TUBGCP3: variants seen among roughly 807,000 people sequenced by gnomAD.
The protein encoded by TUBGCP3 is tubulin gamma complex component 3, also known as gamma-tubulin complex component 3.
A neutral mutation model predicts 123.1 loss-of-function variants in TUBGCP3; 50 were observed. The observed-to-expected ratio is 0.41, with a 90% CI of 0.32 to 0.51. TUBGCP3 has a LOEUF of 0.51. Among genes scored for constraint, TUBGCP3 ranks in the 20% least tolerant of loss-of-function variants. The pLI, the probability that TUBGCP3 is intolerant of heterozygous loss-of-function variation, is 0.36. For missense variants in TUBGCP3, 882 were observed against 1,127.0 expected (o/e 0.78, Z 3.11); for synonymous variants, 405 against 413.9 (o/e 0.98, Z 0.26).
At chr13:112,492,461 T>A (rs557180713) in intron 20 of TUBGCP3, among the ~76,000 whole-genome samples, 41 of 152,360 alleles carry the variant, frequency 2.7e-4, no homozygotes, top group Admixed American at 8.5e-4. Flanking sequence ...TATGCGCATG[T>A]CACCCCCATG....
rs1881660343 is a variant in TUBGCP3, at chr13:112,511,297, G to A, written c.2086+5143C>T. On this transcript the variant is annotated intron_variant, in intron 17 of 21. Coordinates refer to ENST00000261965, the MANE Select transcript of TUBGCP3 (RefSeq NM_006322.6). The surrounding 1 kb of genome is among the most constrained non-coding windows in gnomAD (Gnocchi z 4.1). ...TGCCTTTCCTGGTAAGATAAAATCT[G>A]CGGTGCTGCTTTACATGGAAAAGTG... Among the ~76,000 whole-genome samples the A allele has an allele frequency of 6.6e-6, 1 of 152,204 alleles. No homozygotes were observed. The highest frequency in any genetic ancestry group is 6.5e-5 in the Admixed American group (1 of 15,288).
At chr13:112,497,422 G>T (rs1351291731) in intron 20 of TUBGCP3, among the ~76,000 whole-genome samples, 2 of 152,174 alleles carry the variant, frequency 1.3e-5, no homozygotes, top group Non-Finnish European at 2.9e-5. Flanking sequence ...AAATACCAAA[G>T]AAATAACTTG....
intron 17 of TUBGCP3, among the ~76,000 whole-genome samples, chr13:112,506,505 T>C (rs1026942783): frequency 6.6e-6 from 1 of 152,182 alleles, no homozygotes. Flanking sequence ...TCTAAGACCC[T>C]CAGAAGAGAC....
In TUBGCP3 at chr13:112,516,413, G is replaced by A. The variant is rs199782098; in HGVS notation, c.2086+27C>T. 347 of 1,567,290 alleles carry A rather than the reference G, an allele frequency of 2.2e-4. 2 individuals carry two copies. Among genetic ancestry groups the A allele is most frequent in the Non-Finnish European group, 1.4e-4 (163 of 1,154,336 alleles). Reference sequence around the variant, plus strand: ...GCTGGAGGCCGCTGGGAGTGTGTGCGGACCCGTGACCGTGCTGGGGGCTCA... The same window carrying A: ...GCTGGAGGCCGCTGGGAGTGTGTGCAGACCCGTGACCGTGCTGGGGGCTCA... On this transcript the variant is annotated intron_variant, in intron 17 of 21. Coordinates refer to ENST00000261965, the MANE Select transcript of TUBGCP3 (RefSeq NM_006322.6).
At chr13:112,565,061 A>C in intron 3 of TUBGCP3, 50 bp downstream of exon 3, 1 of 1,529,178 alleles carries the variant, frequency 6.5e-7, no homozygotes, top group Non-Finnish European at 9.0e-7. Context: ...TATACCACTC[A>C]TCATATCCTC....
At chr13:112,543,997 G>A (rs1878740044) in intron 11 of TUBGCP3, among the ~76,000 whole-genome samples, 1 of 152,230 alleles carries the variant, frequency 6.6e-6, no homozygotes, top group Admixed American at 6.5e-5. Context: ...ACACCCCAGT[G>A]AGATGGCACA....
At chr13:112,493,554 G>A (rs1015658958) in intron 20 of TUBGCP3, among the ~76,000 whole-genome samples, 1 of 150,292 alleles carries the variant, frequency 6.7e-6, no homozygotes, top group East Asian at 2.0e-4. Flanking sequence ...TGGGAACAGG[G>A]CCTGGTGTCC....
At position 112,520,812 on chromosome 13, in the gene TUBGCP3, C is replaced by T. The variant is rs17121240; in HGVS notation, c.1746-791G>A. On this transcript the variant is annotated intron_variant, in intron 14 of 21. Transcript: ENST00000261965. ...TGCTTTTATAAATATGAAGCTAACA[C>T]GTCTCTAATCGGGGGTGACCAAGTT... Among the ~76,000 whole-genome samples, 415 of 152,274 alleles carry T rather than the reference C, an allele frequency of 2.7e-3. 3 individuals are homozygous for T. The highest frequency in any genetic ancestry group is 9.3e-3 in the African/African-American group (385 of 41,552).
At chr13:112,599,194 C>T in the TUBGCP3 span, among the ~76,000 whole-genome samples, 1 of 152,124 alleles carries the variant, frequency 6.6e-6, no homozygotes, top group African/African-American at 2.4e-5. Flanking sequence ...GTGGTAATAA[C>T]TTTGATCACC....
intron 17 of TUBGCP3, among the ~76,000 whole-genome samples, chr13:112,514,970 T>C (rs908254119): frequency 6.6e-6 from 1 of 152,124 alleles, no homozygotes; most frequent in Non-Finnish European, 1.5e-5. Context: ...AGAAAAAGTT[T>C]CAATAGCGAG....
chr13:112,569,284 G>C, intron 1 of TUBGCP3, 25 bp from the exon 2 acceptor site: 1 of 1,611,208 alleles, frequency 6.2e-7, no homozygotes, highest in Non-Finnish European at 8.5e-7. Context: ...AAAGGATGCG[G>C]ATTGTTACCA....
At position 112,499,271 on chromosome 13, in the gene TUBGCP3, T is replaced by C. The variant is rs73566325; in HGVS notation, c.2308-86A>G. ...ACATTGATATTTAGTGAAAAGATAT[T>C]AGAAAACAAGATATCAACTGAAATT... On this transcript the variant is annotated intron_variant, in intron 19 of 21. Transcript: ENST00000261965. 2,603 of 1,464,748 alleles carry C rather than the reference T, an allele frequency of 1.8e-3. 38 individuals carry two copies. The African/African-American group carries it at 0.033, about 19-fold the overall frequency. 90.7% of individuals were successfully genotyped at this position (1,464,748 alleles called of 1,614,324 possible).
rs139460619 is a variant in TUBGCP3 at position 112,492,855 on chromosome 13, C to T, written c.2449-3158G>A. Among the ~76,000 whole-genome samples the T allele has an allele frequency of 4.8e-3, 704 of 147,014 alleles. 2 individuals are homozygous for T. The highest frequency in any genetic ancestry group is 7.3e-3 in the Non-Finnish European group (494 of 67,232). ...CATGGCCTGGTGTGCCTGAAACACT[C>T]TAGCTTTGGGAACAGGCCTGGTGTC... On this transcript the variant is annotated intron_variant, in intron 20 of 21. Transcript: ENST00000261965.
intron 3 of TUBGCP3, among the ~76,000 whole-genome samples, chr13:112,563,328 T>C (rs1469891572): frequency 1.3e-5 from 2 of 152,160 alleles, no homozygotes; most frequent in South Asian, 2.1e-4. Flanking sequence ...GAGCCATTTT[T>C]AGCAAAATGA....
At chr13:112,602,827 T>C in the TUBGCP3 span, 7 of 152,206 alleles carry the variant, frequency 4.6e-5, no homozygotes, top group Non-Finnish European at 8.8e-5. Flanking sequence ...TCCCCCATCA[T>C]GTGTTTTACA....
At chr13:112,533,223 C>A (rs959748162) in intron 11 of TUBGCP3, among the ~76,000 whole-genome samples, 2 of 152,252 alleles carry the variant, frequency 1.3e-5, no homozygotes, top group Non-Finnish European at 2.9e-5. Context: ...AGGCTCTGGG[C>A]AGACACAGCC....
chr13:112,513,173 G>A (rs1286579128), intron 17 of TUBGCP3, among the ~76,000 whole-genome samples: 1 of 152,208 alleles, frequency 6.6e-6, no homozygotes, highest in Non-Finnish European at 1.5e-5. Flanking sequence ...TCAGTTACCT[G>A]TATTGGTCCA....
chr13:112,500,247 T>C lies in TUBGCP3; in HGVS notation c.2308-1062A>G, dbSNP rs535163642. The stretch of plus-strand genomic sequence containing the variant: ...ATTCAACACCCACTCATAATTTAAA[T>C]AAGGCATCTAAGCAAACTAGGACTA... On this transcript the variant is annotated intron_variant, in intron 19 of 21. Coordinates refer to ENST00000261965, the MANE Select transcript of TUBGCP3 (RefSeq NM_006322.6). Among the ~76,000 whole-genome samples, 5 of 152,296 alleles carry C rather than the reference T, an allele frequency of 3.3e-5. No individual in the cohort carries two copies. In the South Asian group the frequency reaches 1.0e-3, roughly 32 times the overall value.
chr13:112,576,506 C>T (rs1881820075), intron 1 of TUBGCP3, among the ~76,000 whole-genome samples: 1 of 152,094 alleles, frequency 6.6e-6, no homozygotes, highest in African/African-American at 2.4e-5. Context: ...CACACACAAA[C>T]ACACACAAAA....
Sources: gnomAD v4.1 joint callset for allele counts (sites outside exome capture counted in the v4.1 genomes callset) on GRCh38, gnomAD v4.1.1 for gene constraint, Gnocchi (gnomAD v3.1) non-coding constraint, MANE v1.5 for transcripts, NCBI Gene and HGNC (gene_info 2026-07-23, HGNC 2026-07-21) for gene names.